The following ZNRF1 variants were observed in gnomAD, a reference collection of about 807,000 sequenced individuals.
The protein encoded by ZNRF1 is E3 ubiquitin-protein ligase ZNRF1.
A neutral mutation model predicts 18.4 loss-of-function variants in ZNRF1; 3 were observed. The observed-to-expected ratio is 0.16, with a 90% CI of 0.07 to 0.42. ZNRF1 has a LOEUF of 0.42. ZNRF1 is among the 10% of genes least tolerant of loss of function. The pLI is 0.99. For missense variants in ZNRF1, 310 were observed against 329.8 expected (o/e 0.94, Z 0.47); for synonymous variants, 157 against 144.2 (o/e 1.09, Z -0.64).
At chr16:75,088,414 A>G (rs1310969038) in intron 1 of ZNRF1, among the ~76,000 whole-genome samples, 1 of 152,250 alleles carries the variant, frequency 6.6e-6, no homozygotes. Context: ...AATGGAAAGC[A>G]GAACTCCAGA....
intron 1 of ZNRF1, among the ~76,000 whole-genome samples, chr16:75,078,495 C>T (rs1240435633): frequency 6.6e-6 from 1 of 152,008 alleles, no homozygotes; most frequent in African/African-American, 2.4e-5. Context: ...GATGGGGTTT[C>T]ACCACGTTGG....
intron 1 of ZNRF1, among the ~76,000 whole-genome samples, chr16:75,012,044 A>G (rs2035006528): frequency 6.6e-6 from 1 of 152,210 alleles, no homozygotes; most frequent in Non-Finnish European, 1.5e-5. Flanking sequence ...AGCATTTCTC[A>G]CCAGGGGAAT....
chr16:75,093,653 G>A lies in ZNRF1; in HGVS notation c.506G>A (p.Arg169His), dbSNP rs777896004. ...MHFIMCLSKP[R>H]LSYNDDVLTK... is the part of the protein sequence containing the mutation. ...TTTATAATGTGTTTGAGCAAACCTC[G>A]CCTCTCCTACAACGGTAAGGGCTTG... The change falls in exon 2 of 5, where the codon CGC becomes CAC. Residue 169 changes from arginine (R) to histidine (H), a missense_variant. This residue lies in a region of ZNRF1 where 293 missense variants were observed against 291.2 expected (regional missense o/e 1.01). Transcript: ENST00000335325. The A allele has an allele frequency of 3.4e-5, 55 of 1,613,752 alleles. No individual in the cohort carries two copies. Among genetic ancestry groups the A allele is most frequent in the Non-Finnish European group, 4.1e-5 (48 of 1,179,802 alleles).
chr16:75,065,899 T>C (rs2035797296), intron 1 of ZNRF1, among the ~76,000 whole-genome samples: 1 of 152,178 alleles, frequency 6.6e-6, no homozygotes, highest in Non-Finnish European at 1.5e-5. Flanking sequence ...AAGTCCTGTA[T>C]GTGGAAGCCG....
intron 1 of ZNRF1, among the ~76,000 whole-genome samples, chr16:75,038,446 T>A (rs929740998): frequency 6.6e-6 from 1 of 152,198 alleles, no homozygotes; most frequent in African/African-American, 2.4e-5. Context: ...AAGCTGTAAT[T>A]CTCCTAGGGC....
rs1415180628 is a variant in ZNRF1 at position 75,104,893 on chromosome 16, G to A, written c.626+4G>A. On this transcript the variant is annotated splice_donor_region_variant and intron_variant, in intron 3 of 4. Transcript: ENST00000335325. Reference sequence around the variant, plus strand: ...GCCTGTGCATCTATCACAAAAGGTAGGAGGGGTTGGCAAGGTAGCTTAGTG... The same window carrying A: ...GCCTGTGCATCTATCACAAAAGGTAAGAGGGGTTGGCAAGGTAGCTTAGTG... The A allele has an allele frequency of 6.3e-7, 1 of 1,591,808 alleles. No individual in the cohort carries two copies. Among genetic ancestry groups the A allele is most frequent in the East Asian group, 2.3e-5 (1 of 44,276 alleles).
At chr16:75,001,574 C>T (rs1266974149) in intron 1 of ZNRF1, among the ~76,000 whole-genome samples, 1 of 152,090 alleles carries the variant, frequency 6.6e-6, no homozygotes, top group Non-Finnish European at 1.5e-5. Context: ...ATAATTTTTC[C>T]TATGGAATTT....
At chr16:75,048,829 C>G (rs1411144665) in intron 1 of ZNRF1, among the ~76,000 whole-genome samples, 2 of 152,136 alleles carry the variant, frequency 1.3e-5, no homozygotes, top group Non-Finnish European at 2.9e-5. Flanking sequence ...GATCTCGTTT[C>G]CCAGTAACCT....
intron 1 of ZNRF1, among the ~76,000 whole-genome samples, chr16:75,033,041 G>C (rs2035326772): frequency 6.6e-6 from 1 of 152,012 alleles, no homozygotes; most frequent in Non-Finnish European, 1.5e-5. Context: ...GGGTACTATT[G>C]GCAATACATG....
rs1262693919 is a variant in ZNRF1, at chr16:75,107,721, C to G, written c.*33-12C>G. On this transcript the variant is annotated splice_polypyrimidine_tract_variant and intron_variant, in intron 4 of 4. Transcript: ENST00000335325. ...CCGATGGAGCACGACTTATTTATTA[C>G]GGTCCACACAGGGACAGAGCGCCCC... 4.4e-6 allele frequency: 2 copies of G among 456,272 alleles called. No individual in the cohort carries two copies. Among genetic ancestry groups the G allele is most frequent in the Admixed American group, 4.7e-5 (2 of 42,556 alleles). 28.3% of individuals were successfully genotyped at this position (456,272 alleles called of 1,614,324 possible).
chr16:75,022,988 C>G (rs772131402), intron 1 of ZNRF1, among the ~76,000 whole-genome samples: 8 of 152,122 alleles, frequency 5.3e-5, no homozygotes, highest in Non-Finnish European at 1.2e-4. Flanking sequence ...ACTTTTCTTT[C>G]CTGTAATTTG....
In ZNRF1 at chr16:75,110,023, C is replaced by T. The variant is rs1459078399; in HGVS notation, c.*2323C>T. 1 of 152,502 alleles carries T rather than the reference C, an allele frequency of 6.6e-6. No individual in the cohort carries two copies. The highest frequency in any genetic ancestry group is 1.9e-4 in the East Asian group (1 of 5,212). 9.4% of individuals were successfully genotyped at this position (152,502 alleles called of 1,614,324 possible). The stretch of plus-strand genomic sequence containing the variant: ...ATGTGCCCGCCTTGGCGGCTTAAGC[C>T]TGCTGCTTTGGCAGTGCCATGGGTG... On this transcript the variant is annotated 3_prime_UTR_variant, in exon 5 of 5. Coordinates refer to ENST00000335325, the MANE Select transcript of ZNRF1 (RefSeq NM_032268.5).
At chr16:75,100,102 G>T (rs558120496) in intron 2 of ZNRF1, among the ~76,000 whole-genome samples, 1 of 152,260 alleles carries the variant, frequency 6.6e-6, no homozygotes, top group South Asian at 2.1e-4. Context: ...CCTTCCTATT[G>T]CCGGGAACCT....
At chr16:75,036,661 G>C (rs1007792203) in intron 1 of ZNRF1, among the ~76,000 whole-genome samples, 5 of 148,058 alleles carry the variant, frequency 3.4e-5, no homozygotes, top group African/African-American at 1.2e-4. Flanking sequence ...TCTAAATGTA[G>C]AAACAACTTC....
chr16:75,078,210 G>T (rs2035965918), intron 1 of ZNRF1, among the ~76,000 whole-genome samples: 1 of 151,778 alleles, frequency 6.6e-6, no homozygotes, highest in African/African-American at 2.4e-5. Context: ...GCACTTGAAT[G>T]CTGTAGCTCT....
chr16:75,014,340 C>G (rs2035038900), intron 1 of ZNRF1, among the ~76,000 whole-genome samples: 1 of 152,132 alleles, frequency 6.6e-6, no homozygotes, highest in Non-Finnish European at 1.5e-5. Flanking sequence ...CTCCCTGTAG[C>G]TATCCAAAAC....
At chr16:75,030,160 G>A (rs1249850733) in intron 1 of ZNRF1, among the ~76,000 whole-genome samples, 1 of 151,210 alleles carries the variant, frequency 6.6e-6, no homozygotes, top group African/African-American at 2.4e-5. Context: ...AGTATATTCT[G>A]AGAATTGTAC....
At chr16:75,017,295 C>A (rs2035085266) in intron 1 of ZNRF1, among the ~76,000 whole-genome samples, 1 of 152,048 alleles carries the variant, frequency 6.6e-6, no homozygotes, top group Non-Finnish European at 1.5e-5. Flanking sequence ...ATCAATAAGC[C>A]ATTTTTGTAA....
At chr16:75,027,056 A>G (rs1343276769) in intron 1 of ZNRF1, among the ~76,000 whole-genome samples, 1 of 152,188 alleles carries the variant, frequency 6.6e-6, no homozygotes. Flanking sequence ...TTTCACAGAT[A>G]AGGAAACCAA....
Sources: allele counts gnomAD v4.1 joint callset (sites outside exome capture counted in the v4.1 genomes callset), GRCh38; gene constraint gnomAD v4.1.1; regional missense constraint gnomAD v4.1.1; transcripts MANE v1.5; gene names NCBI Gene and HGNC (gene_info 2026-07-23, HGNC 2026-07-21).